Variants in RANBP2 observed in about 807,000 individuals in gnomAD.
The protein encoded by RANBP2 is RAN binding protein 2.
RANBP2 carries 57 observed loss-of-function variants against 303.6 expected under a neutral mutation model. The ratio of observed to expected loss-of-function variants is 0.19; its 90% confidence interval spans 0.15 to 0.23. The LOEUF (loss-of-function observed/expected upper bound fraction) is 0.23, where lower values mean the gene tolerates loss of function less well. Among genes scored for constraint, RANBP2 ranks in the 10% least tolerant of loss-of-function variants. The probability of loss-of-function intolerance (pLI) is 1.00; values close to 1 mark genes in which losing one functional copy is unlikely to be tolerated. For missense variants in RANBP2, 3,138 were observed against 3,780.8 expected (o/e 0.83, Z 4.46); for synonymous variants, 1,167 against 1,301.5 (o/e 0.90, Z 2.23).
the RANBP2 span, among the ~76,000 whole-genome samples, chr2:108,875,160 ACT>A: frequency 6.6e-6 from 1 of 151,470 alleles, no homozygotes; most frequent in African/African-American, 2.4e-5. Flanking sequence ...ATTAGGACAA[ACT>A]CTCTCAAGAG....
chr2:108,771,952 C>A, intron 21 of RANBP2, 81 bp downstream of exon 21: 2 of 1,555,184 alleles, frequency 1.3e-6, no homozygotes, highest in Non-Finnish European at 1.8e-6. Flanking sequence ...TATTTTAAGC[C>A]TGCCTCTTAG....
the RANBP2 span, among the ~76,000 whole-genome samples, chr2:109,031,290 ACT>A: frequency 6.6e-6 from 1 of 151,924 alleles, no homozygotes; most frequent in Non-Finnish European, 1.5e-5. Context: ...GTGCTGGCTG[ACT>A]CAGCACAGAT....
intron 1 of RANBP2, among the ~76,000 whole-genome samples, chr2:108,725,667 G>T (rs1164012901): frequency 1.3e-5 from 2 of 151,986 alleles, no homozygotes; most frequent in African/African-American, 2.4e-5. Context: ...GGAGGCAGAG[G>T]TTGCAGTGAG....
the RANBP2 span, among the ~76,000 whole-genome samples, chr2:108,974,361 C>T: frequency 6.8e-6 from 1 of 147,394 alleles, no homozygotes; most frequent in Non-Finnish European, 1.5e-5. Flanking sequence ...AAAAGAAATG[C>T]CACATATTGA....
chr2:109,019,665 C>T, the RANBP2 span, among the ~76,000 whole-genome samples: 2 of 152,116 alleles, frequency 1.3e-5, no homozygotes, highest in Non-Finnish European at 2.9e-5. Flanking sequence ...ATTTTTGGCT[C>T]GCTGATTTTT....
At chr2:109,023,311 A>G in the RANBP2 span, among the ~76,000 whole-genome samples, 2 of 152,224 alleles carry the variant, frequency 1.3e-5, no homozygotes, top group Non-Finnish European at 2.9e-5. Context: ...CCAAAATACA[A>G]ATATGACCTA....
intron 6 of RANBP2, 79 bp downstream of exon 6, chr2:108,736,328 T>G: frequency 6.2e-7 from 1 of 1,607,916 alleles, no homozygotes; most frequent in South Asian, 1.1e-5. Flanking sequence ...TCTAAACTTC[T>G]TCACTGAATC....
chr2:109,004,591 A>C, the RANBP2 span, among the ~76,000 whole-genome samples: 1 of 152,180 alleles, frequency 6.6e-6, no homozygotes, highest in African/African-American at 2.4e-5. Flanking sequence ...CCACCACTGC[A>C]AAGGCACAGT....
chr2:109,451,875 A>T, the RANBP2 span, among the ~76,000 whole-genome samples: 1 of 152,230 alleles, frequency 6.6e-6, no homozygotes, highest in Non-Finnish European at 1.5e-5. Flanking sequence ...GGGGCTGGAC[A>T]CATGCTGTGG....
At chr2:109,319,578 G>T in the RANBP2 span, among the ~76,000 whole-genome samples, 2 of 152,322 alleles carry the variant, frequency 1.3e-5, no homozygotes, top group East Asian at 3.9e-4. Flanking sequence ...GCCCAGTGGG[G>T]CTCGTTCCAG....
the RANBP2 span, among the ~76,000 whole-genome samples, chr2:109,607,050 T>A: frequency 3.9e-5 from 6 of 152,226 alleles, no homozygotes; most frequent in Admixed American, 1.3e-4. Flanking sequence ...ATTCTTCCTG[T>A]CTAAAATGTC....
At chr2:109,629,244 T>C in the RANBP2 span, among the ~76,000 whole-genome samples, 4 of 46,572 alleles carry the variant, frequency 8.6e-5, no homozygotes, top group Non-Finnish European at 1.8e-4. Context: ...ATAAAATGCT[T>C]AACTAACATT....
chr2:108,966,889 G>C, the RANBP2 span, among the ~76,000 whole-genome samples: 2 of 152,206 alleles, frequency 1.3e-5, no homozygotes, highest in Non-Finnish European at 2.9e-5. Context: ...GACAGAGAGG[G>C]ACCCTCTTTA....
the RANBP2 span, among the ~76,000 whole-genome samples, chr2:109,727,389 G>A: frequency 6.6e-6 from 1 of 152,178 alleles, no homozygotes; most frequent in Non-Finnish European, 1.5e-5. Flanking sequence ...GGAAAATGAA[G>A]GTCAAGATTT....
In RANBP2 at chr2:108,752,885, A is replaced by G. The variant is rs1275495388; in HGVS notation, c.1756-113A>G. The G allele has an allele frequency of 8.2e-6, 13 of 1,594,426 alleles. No homozygotes were observed. In the East Asian group the frequency reaches 9.0e-5, roughly 11 times the overall value. ...GGAAGTTGAACAAATGACTATTGAG[A>G]TACCATTTGGTTTTGACTTGAAATT... On this transcript the variant is annotated intron_variant, in intron 12 of 28. Coordinates refer to ENST00000283195, the MANE Select transcript of RANBP2 (RefSeq NM_006267.5).
chr2:109,343,825 G>A, the RANBP2 span, among the ~76,000 whole-genome samples: 3 of 151,510 alleles, frequency 2.0e-5, no homozygotes, highest in Non-Finnish European at 4.4e-5. Context: ...GCTCACTGCA[G>A]CCTCGAACTC....
At chr2:108,931,162 GA>G in the RANBP2 span, 1 of 775,350 alleles carries the variant, frequency 1.3e-6, no homozygotes. Flanking sequence ...CATCCTAAAA[GA>G]AAAGCAGACA....
chr2:109,469,951 C>T, the RANBP2 span, among the ~76,000 whole-genome samples: 1 of 152,136 alleles, frequency 6.6e-6, no homozygotes, highest in Non-Finnish European at 1.5e-5. Flanking sequence ...CCAGGACATG[C>T]GAGCTATAAG....
chr2:109,276,622 G>T, the RANBP2 span, among the ~76,000 whole-genome samples: 28 of 152,198 alleles, frequency 1.8e-4, no homozygotes, highest in Non-Finnish European at 3.1e-4. Context: ...GTTTTGCCAT[G>T]GTGCTTTGGG....
Sources: allele counts gnomAD v4.1 joint callset (sites outside exome capture counted in the v4.1 genomes callset), GRCh38; gene constraint gnomAD v4.1.1; transcripts MANE v1.5; gene names NCBI Gene and HGNC (gene_info 2026-07-23, HGNC 2026-07-21).